MELK: variants seen among roughly 807,000 people sequenced by gnomAD.
MELK encodes the protein pEg3 kinase.
In MELK, 81 loss-of-function variants were observed where a neutral mutation model predicts 85.0. That is an observed-to-expected ratio of 0.95 (90% CI 0.80 to 1.15). The LOEUF is 1.15. Ranked by LOEUF, MELK falls within the 50% of genes most tolerant of loss-of-function variation. The pLI, the probability that MELK is intolerant of heterozygous loss-of-function variation, is 0.00. For missense variants in MELK, 754 were observed against 777.5 expected, an observed-to-expected ratio of 0.97 and a Z score of 0.36; for synonymous variants, 252 against 265.0, an observed-to-expected ratio of 0.95 and a Z score of 0.48.
intron 8 of MELK, among the ~76,000 whole-genome samples, chr9:36,616,029 C>T (rs1449858291): frequency 2.0e-5 from 3 of 150,510 alleles, no homozygotes; most frequent in Non-Finnish European, 3.0e-5. Context: ...TCGGGCCCCG[C>T]GGGGCCCGTC....
chr9:36,599,873 C>G (rs1260604511), intron 7 of MELK, among the ~76,000 whole-genome samples: 1 of 152,142 alleles, frequency 6.6e-6, no homozygotes, highest in Non-Finnish European at 1.5e-5. Flanking sequence ...TCTCCAAGGC[C>G]AGCAGCCCTG....
intron 16 of MELK, 25 bp from the exon 17 acceptor site, chr9:36,674,809 T>C (rs763377214): frequency 1.4e-6 from 2 of 1,420,540 alleles, no homozygotes; most frequent in South Asian, 2.3e-5. Flanking sequence ...AATTTACTTC[T>C]CATCTCTTCT....
intron 5 of MELK, among the ~76,000 whole-genome samples, chr9:36,595,812 ATTTATT>A (rs890530141): frequency 1.3e-4 from 19 of 151,528 alleles, no homozygotes; most frequent in African/African-American, 4.1e-4. Flanking sequence ...GTATGTATTT[ATTTATT>A]TTTATTTTTA....
chr9:36,620,930 A>G (rs1434421375), intron 8 of MELK, among the ~76,000 whole-genome samples: 1 of 151,948 alleles, frequency 6.6e-6, no homozygotes, highest in East Asian at 1.9e-4. Flanking sequence ...GCACCTGCCA[A>G]CATTTGCACA....
intron 8 of MELK, among the ~76,000 whole-genome samples, chr9:36,617,575 C>G (rs1242987224): frequency 2.6e-5 from 4 of 152,120 alleles, no homozygotes; most frequent in African/African-American, 9.7e-5. Flanking sequence ...CCACCTTGGC[C>G]TCTCAAAATG....
chr9:36,667,367 G>T (rs1346571973), intron 14 of MELK, among the ~76,000 whole-genome samples: 1 of 152,086 alleles, frequency 6.6e-6, no homozygotes, highest in Non-Finnish European at 1.5e-5. Flanking sequence ...TATTGGTCAG[G>T]CTGGTCTCAA....
In MELK at chr9:36,677,498, A is replaced by ATC; in HGVS notation, c.*162_*163insCT. 1 of 579,412 alleles carries ATC rather than the reference A, an allele frequency of 1.7e-6. No homozygotes were observed. The highest frequency in any genetic ancestry group is 2.8e-6 in the Non-Finnish European group (1 of 359,566). 35.9% of individuals were successfully genotyped at this position (579,412 alleles called of 1,614,324 possible). A position where few individuals can be genotyped will look rare whatever the true frequency, so the allele number is the denominator to read the frequency against. ...TCTTTGTTTTTAAACAAAAGATATT[A>ATC]TTTTGTGTATGAATCTAAATCAAGC... On this transcript the variant is annotated 3_prime_UTR_variant, in exon 18 of 18. Transcript: ENST00000298048.
At chr9:36,665,628 C>T in intron 14 of MELK, 47 bp downstream of exon 14, 1 of 1,436,930 alleles carries the variant, frequency 7.0e-7, no homozygotes, top group African/African-American at 1.4e-5. Context: ...TTTTTCTTAC[C>T]ATGTTAAGTA....
intron 17 of MELK, among the ~76,000 whole-genome samples, chr9:36,675,413 C>G (rs1833259435): frequency 6.6e-6 from 1 of 152,216 alleles, no homozygotes; most frequent in African/African-American, 2.4e-5. Flanking sequence ...TTGTTTGGTT[C>G]AAGCTATAAA....
intron 4 of MELK, among the ~76,000 whole-genome samples, chr9:36,593,669 TTTGTTG>T (rs146859631): frequency 5.3e-5 from 8 of 152,212 alleles, no homozygotes; most frequent in Admixed American, 2.0e-4. Context: ...AGGTACGTTT[TTTGTTG>T]TTGTTGTTGT....
intron 5 of MELK, 80 bp from the exon 6 acceptor site, chr9:36,597,127 ACACCTGGCCTTAAGT>A: frequency 1.0e-6 from 1 of 996,748 alleles, no homozygotes; most frequent in East Asian, 2.5e-5. Flanking sequence ...ATGAGCTGCC[ACACCTGGCCTTAAGT>A]CATTTTTAGA....
At chr9:36,629,719 C>G (rs1828328516) in intron 8 of MELK, among the ~76,000 whole-genome samples, 1 of 152,034 alleles carries the variant, frequency 6.6e-6, no homozygotes, top group Admixed American at 6.6e-5. Flanking sequence ...GATTCCAAAG[C>G]TGTATGACAT....
chr9:36,599,943 A>G (rs1824736181), intron 7 of MELK, among the ~76,000 whole-genome samples: 1 of 152,120 alleles, frequency 6.6e-6, no homozygotes, highest in Admixed American at 6.6e-5. Flanking sequence ...CTGTATCTCA[A>G]ATTATCAAAT....
intron 8 of MELK, among the ~76,000 whole-genome samples, chr9:36,622,783 T>A (rs1238137885): frequency 6.6e-6 from 1 of 152,222 alleles, no homozygotes; most frequent in Non-Finnish European, 1.5e-5. Context: ...ATTATGATTA[T>A]GTATTGGTGA....
At chr9:36,602,716 T>G (rs1258764082) in intron 7 of MELK, among the ~76,000 whole-genome samples, 1 of 151,732 alleles carries the variant, frequency 6.6e-6, no homozygotes, top group South Asian at 2.1e-4. Context: ...TGTGCCACCA[T>G]GCTTGGCTAA....
chr9:36,659,622 A>C (rs1391103257), intron 13 of MELK, among the ~76,000 whole-genome samples: 2 of 152,100 alleles, frequency 1.3e-5, no homozygotes, highest in African/African-American at 4.8e-5. Flanking sequence ...GTTTCCTTAG[A>C]TGCCTGGAAT....
chr9:36,609,203 G>A (rs551692433), intron 8 of MELK, among the ~76,000 whole-genome samples: 2 of 152,074 alleles, frequency 1.3e-5, no homozygotes, highest in South Asian at 4.2e-4. Flanking sequence ...AGAAAGAGGT[G>A]ATGATTACAC....
chr9:36,601,100 T>G (rs1265512333), intron 7 of MELK, among the ~76,000 whole-genome samples: 6 of 152,190 alleles, frequency 3.9e-5, no homozygotes, highest in Non-Finnish European at 7.3e-5. Flanking sequence ...TATATATTTT[T>G]CCTAAAAGCA....
At chr9:36,648,496 A>T (rs1337974501) in intron 11 of MELK, among the ~76,000 whole-genome samples, 1 of 151,972 alleles carries the variant, frequency 6.6e-6, no homozygotes, top group Non-Finnish European at 1.5e-5. Flanking sequence ...CTGGCAGAAG[A>T]CTGGAGGTCA....
Sources: allele counts gnomAD v4.1 joint callset (sites outside exome capture counted in the v4.1 genomes callset), GRCh38; gene constraint gnomAD v4.1.1; transcripts MANE v1.5; gene names NCBI Gene and HGNC (gene_info 2026-07-23, HGNC 2026-07-21).